ZBTB20: variants seen among roughly 807,000 people sequenced by gnomAD.
The protein encoded by ZBTB20 is zinc finger and BTB domain containing 20.
Under a neutral mutation model 56.9 loss-of-function variants are expected in ZBTB20, and 9 were observed. The observed-to-expected ratio is 0.16, with a 90% CI of 0.10 to 0.28. The LOEUF (loss-of-function observed/expected upper bound fraction) is 0.28. Among genes scored for constraint, ZBTB20 ranks in the 10% least tolerant of loss-of-function variants. ZBTB20 has a pLI of 1.00. For missense variants in ZBTB20, 655 were observed against 1,003.0 expected, an observed-to-expected ratio of 0.65 and a Z score of 4.69; for synonymous variants, 417 against 420.7, an observed-to-expected ratio of 0.99 and a Z score of 0.11.
chr3:114,638,538 T>C (rs2059396689), intron 6 of ZBTB20, among the ~76,000 whole-genome samples: 1 of 152,110 alleles, frequency 6.6e-6, no homozygotes, highest in South Asian at 2.1e-4. Flanking sequence ...TTCACCAAAC[T>C]GTTCTTCCTA....
At position 114,714,092 on chromosome 3, in the gene ZBTB20, C is replaced by T. The variant is rs559420992; in HGVS notation, c.-342-20517G>A. The stretch of plus-strand genomic sequence containing the variant: ...AAAATGTCACTCTAATATACTACTA[C>T]TATATCCGTCTGCTTTTTGCAGGAA... On this transcript the variant is annotated intron_variant, in intron 5 of 11. Transcript: ENST00000675478. 3 of 152,752 alleles carry T rather than the reference C, an allele frequency of 2.0e-5. No homozygotes were observed. In the South Asian group the frequency reaches 6.2e-4, roughly 32 times the overall value. The allele number at this position is 152,752 out of a possible 1,614,324, so 9.5% of individuals were successfully genotyped here.
intron 7 of ZBTB20, among the ~76,000 whole-genome samples, chr3:114,391,729 C>G (rs1006348993): frequency 7.2e-5 from 11 of 152,122 alleles, no homozygotes; most frequent in African/African-American, 2.7e-4. Context: ...GAAACGGGGA[C>G]TAAATTGAAA....
chr3:114,561,114 TAC>T (rs1363038173), intron 6 of ZBTB20, among the ~76,000 whole-genome samples: 1 of 152,346 alleles, frequency 6.6e-6, no homozygotes, highest in South Asian at 2.1e-4. Context: ...AGTATGAAAG[TAC>T]AACAATTCAG....
intron 1 of ZBTB20, among the ~76,000 whole-genome samples, chr3:115,076,594 G>C (rs1249410829): frequency 6.6e-6 from 1 of 152,028 alleles, no homozygotes; most frequent in Admixed American, 6.6e-5. Flanking sequence ...AAAACTTTTA[G>C]AATAAAACAT....
chr3:114,600,063 G>A (rs989136385), intron 6 of ZBTB20, among the ~76,000 whole-genome samples: 2 of 152,006 alleles, frequency 1.3e-5, no homozygotes, highest in African/African-American at 4.8e-5. Flanking sequence ...TTGAGGACCA[G>A]TTGAGATAAT....
intron 1 of ZBTB20, among the ~76,000 whole-genome samples, chr3:115,139,743 C>A (rs2084758053): frequency 6.6e-6 from 1 of 151,996 alleles, no homozygotes; most frequent in Non-Finnish European, 1.5e-5. Flanking sequence ...TCTGTTGTTA[C>A]CTGCATCCTC....
chr3:114,471,487 T>G (rs1399502175), intron 7 of ZBTB20, among the ~76,000 whole-genome samples: 2 of 151,564 alleles, frequency 1.3e-5, no homozygotes, highest in African/African-American at 4.9e-5. Flanking sequence ...GGAATTGGAG[T>G]GGGAACAGAT....
chr3:115,101,379 T>C (rs1330185497), intron 1 of ZBTB20, among the ~76,000 whole-genome samples: 1 of 152,200 alleles, frequency 6.6e-6, no homozygotes, highest in Non-Finnish European at 1.5e-5. Flanking sequence ...TCCAAAATTA[T>C]GATGTTATTA....
intron 2 of ZBTB20, among the ~76,000 whole-genome samples, chr3:115,011,673 A>C (rs141047378): frequency 0.015 from 2,318 of 151,940 alleles, 32 homozygotes; most frequent in South Asian, 0.05. Flanking sequence ...TACTTCAATC[A>C]AATAAAAAAG....
At chr3:114,867,593 G>T (rs1057436863) in intron 4 of ZBTB20, among the ~76,000 whole-genome samples, 4 of 152,042 alleles carry the variant, frequency 2.6e-5, no homozygotes, top group Non-Finnish European at 4.4e-5. Context: ...ACCCCACCAC[G>T]CCCGGCTAAC....
intron 6 of ZBTB20, among the ~76,000 whole-genome samples, chr3:114,626,703 T>C (rs1003466546): frequency 6.6e-6 from 1 of 152,192 alleles, no homozygotes; most frequent in African/African-American, 2.4e-5. Flanking sequence ...ACTTGGAGCC[T>C]AACAGTTGTC....
intron 6 of ZBTB20, among the ~76,000 whole-genome samples, chr3:114,686,201 A>G (rs1560126317): frequency 6.6e-6 from 1 of 152,216 alleles, no homozygotes; most frequent in African/African-American, 2.4e-5. Context: ...TCTATTTAAA[A>G]ATAAGATAGG....
At chr3:114,681,389 G>A (rs1214778261) in intron 6 of ZBTB20, among the ~76,000 whole-genome samples, 1 of 152,108 alleles carries the variant, frequency 6.6e-6, no homozygotes, top group African/African-American at 2.4e-5. Context: ...TCAAACTCCT[G>A]ACTTCAGGTG....
intron 4 of ZBTB20, among the ~76,000 whole-genome samples, chr3:114,863,254 C>G (rs2075612875): frequency 6.6e-6 from 1 of 152,064 alleles, no homozygotes; most frequent in African/African-American, 2.4e-5. Context: ...TGACCAATAT[C>G]TAAGAAATTA....
At chr3:114,572,534 T>A (rs1316151878) in intron 6 of ZBTB20, among the ~76,000 whole-genome samples, 1 of 152,212 alleles carries the variant, frequency 6.6e-6, no homozygotes, top group Non-Finnish European at 1.5e-5. Flanking sequence ...TGTGTACAAA[T>A]GGTTCTGGGT....
intron 3 of ZBTB20, among the ~76,000 whole-genome samples, chr3:114,927,793 A>C (rs913837796): frequency 1.3e-5 from 2 of 152,240 alleles, no homozygotes; most frequent in African/African-American, 4.8e-5. Context: ...ATACCTCTCT[A>C]TTTTATAAAT....
At chr3:114,781,782 G>C (rs1315774906) in intron 5 of ZBTB20, among the ~76,000 whole-genome samples, 5 of 152,110 alleles carry the variant, frequency 3.3e-5, no homozygotes, top group African/African-American at 1.2e-4. Flanking sequence ...TACTGTTCTC[G>C]TGGTAGTGAA....
intron 1 of ZBTB20, among the ~76,000 whole-genome samples, chr3:115,119,384 A>T (rs996942209): frequency 3.9e-5 from 6 of 152,204 alleles, no homozygotes; most frequent in Admixed American, 2.0e-4. Flanking sequence ...CTGATGATTA[A>T]ATAAGATAAT....
chr3:114,631,584 G>T (rs2058952868), intron 6 of ZBTB20, among the ~76,000 whole-genome samples: 1 of 151,130 alleles, frequency 6.6e-6, no homozygotes, highest in Non-Finnish European at 1.5e-5. Flanking sequence ...GTAGAGACAG[G>T]GTTTCACCAT....
Sources: gnomAD v4.1 joint callset for allele counts (sites outside exome capture counted in the v4.1 genomes callset) on GRCh38, gnomAD v4.1.1 for gene constraint, MANE v1.5 for transcripts, NCBI Gene and HGNC (gene_info 2026-07-23, HGNC 2026-07-21) for gene names.